The following PIP4P2 variants were observed in gnomAD, a reference collection of about 807,000 sequenced individuals.
The protein encoded by PIP4P2 is type 2 phosphatidylinositol 4,5-bisphosphate 4-phosphatase.
PIP4P2 carries 19 observed loss-of-function variants against 33.3 expected under a neutral mutation model. The observed-to-expected ratio is 0.57, with a 90% CI of 0.40 to 0.84. PIP4P2 has a LOEUF of 0.84. Among genes scored for constraint, PIP4P2 ranks in the 40% least tolerant of loss-of-function variants. PIP4P2 has a pLI of 0.00. For missense variants in PIP4P2, 270 were observed against 324.7 expected (o/e 0.83, Z 1.29); for synonymous variants, 110 against 111.9 (o/e 0.98, Z 0.11).
At chr8:91,006,537 C>A (rs759928616) in intron 5 of PIP4P2, among the ~76,000 whole-genome samples, 6 of 152,184 alleles carry the variant, frequency 3.9e-5, no homozygotes, top group Non-Finnish European at 7.3e-5. Flanking sequence ...AAATCCTTAA[C>A]CTCTCTTAAC....
At chr8:91,029,072 C>T (rs1812121619) in intron 1 of PIP4P2, among the ~76,000 whole-genome samples, 3 of 152,030 alleles carry the variant, frequency 2.0e-5, no homozygotes, top group Admixed American at 6.6e-5. Context: ...GTGGACAGAT[C>T]AAGAGGTCAG....
chr8:91,002,451 G>C (rs1019700420), intron 5 of PIP4P2, among the ~76,000 whole-genome samples: 1 of 152,092 alleles, frequency 6.6e-6, no homozygotes, highest in Non-Finnish European at 1.5e-5. Context: ...GGATTATGAA[G>C]AACACCTGGA....
At chr8:91,000,390 C>T (rs1353967137) in intron 5 of PIP4P2, among the ~76,000 whole-genome samples, 3 of 126,092 alleles carry the variant, frequency 2.4e-5, no homozygotes, top group African/African-American at 8.0e-5. Context: ...CCTAGTTCAT[C>T]ATTTAGCAGT....
intron 1 of PIP4P2, among the ~76,000 whole-genome samples, chr8:91,028,876 C>T (rs748626021): frequency 5.9e-5 from 9 of 152,278 alleles, no homozygotes; most frequent in Non-Finnish European, 1.2e-4. Flanking sequence ...CAGAGAAAGT[C>T]AAGAGTCTTT....
chr8:91,011,903 G>GT (rs1401011341), intron 4 of PIP4P2, among the ~76,000 whole-genome samples: 3 of 151,920 alleles, frequency 2.0e-5, no homozygotes, highest in Non-Finnish European at 4.4e-5. Flanking sequence ...TAGCAATTGT[G>GT]TTTTTTTCTG....
At chr8:91,023,352 T>G (rs1016285900) in intron 1 of PIP4P2, among the ~76,000 whole-genome samples, 4 of 151,486 alleles carry the variant, frequency 2.6e-5, no homozygotes, top group African/African-American at 9.7e-5. Flanking sequence ...AAGACAGTTT[T>G]ATAAAGAAAA....
At chr8:91,013,183 T>C (rs1053959183) in intron 4 of PIP4P2, among the ~76,000 whole-genome samples, 4 of 152,178 alleles carry the variant, frequency 2.6e-5, no homozygotes, top group African/African-American at 9.7e-5. Context: ...TGCTTCCTGT[T>C]CACCACTGTT....
At chr8:91,015,108 G>C (rs1185867403) in intron 4 of PIP4P2, among the ~76,000 whole-genome samples, 1 of 152,036 alleles carries the variant, frequency 6.6e-6, no homozygotes, top group Admixed American at 6.6e-5. Context: ...TAAAAACAAA[G>C]GATTTAAATT....
At position 91,021,274 on chromosome 8, in the gene PIP4P2, T is replaced by C. The variant is rs34503257; in HGVS notation, c.237A>G (p.Thr79=). The part of the protein sequence containing the change: ...GKLHQHVVKC[T]VCNEATPIKN... ...CACTTACCGTAGCTTCATTGCAAACTGTGCACTTAACCACATGCTGGTGAA... is the reference window on the plus strand; with the variant it reads ...CACTTACCGTAGCTTCATTGCAAACCGTGCACTTAACCACATGCTGGTGAA... The change falls in exon 2 of 7, where the codon ACA becomes ACG. Residue 79 remains threonine (T), a synonymous_variant. Transcript: ENST00000285419. The C allele has an allele frequency of 0.083, 134,726 of 1,613,642 alleles. 6,198 individuals carry two copies. Among genetic ancestry groups the C allele is most frequent in the African/African-American group, 0.16 (12,160 of 74,990 alleles).
intron 1 of PIP4P2, among the ~76,000 whole-genome samples, chr8:91,023,002 T>C (rs567577514): frequency 6.6e-6 from 1 of 152,128 alleles, no homozygotes; most frequent in Admixed American, 6.6e-5. Flanking sequence ...TTGAGCGTGA[T>C]CCAGAGTGAC....
rs369419485 is a variant in PIP4P2, at chr8:91,040,781, G to C, written c.-32C>G. On this transcript the variant is annotated 5_prime_UTR_variant, in exon 1 of 7. Coordinates refer to ENST00000285419, the MANE Select transcript of PIP4P2 (RefSeq NM_018710.3). The stretch of plus-strand genomic sequence containing the variant: ...GGCAGCGGCGGGGCCTGGGGAGGCC[G>C]AGCCGGGGTTGCGGCCTCGGCGGAG... The C allele has an allele frequency of 6.2e-7, 1 of 1,601,132 alleles. No homozygotes were observed. The highest frequency in any genetic ancestry group is 1.1e-5 in the South Asian group (1 of 90,712).
intron 1 of PIP4P2, among the ~76,000 whole-genome samples, chr8:91,029,283 T>A (rs1035040335): frequency 6.6e-6 from 1 of 151,038 alleles, no homozygotes; most frequent in Non-Finnish European, 1.5e-5. Flanking sequence ...AGAGTGAGAC[T>A]CTGTCTCAAA....
rs931014108 is a variant in PIP4P2 at position 90,995,031 on chromosome 8, A to G, written c.*646T>C. ...ATTTATCCAACATCTCCAACTGTGG[A>G]CAAATAAATATTCGTTCTTGTATTT... is the stretch of plus-strand genomic sequence containing the variant. On this transcript the variant is annotated 3_prime_UTR_variant, in exon 7 of 7. Transcript: ENST00000285419. The G allele has an allele frequency of 5.9e-5, 9 of 152,360 alleles. No homozygotes were observed. The highest frequency in any genetic ancestry group is 1.9e-4 in the African/African-American group (8 of 41,462). The allele number at this position is 152,360 out of a possible 1,614,324, so 9.4% of individuals were successfully genotyped here. A position where few individuals can be genotyped will look rare whatever the true frequency, so the allele number is the denominator to read the frequency against.
chr8:91,018,411 C>T lies in PIP4P2; in HGVS notation c.465G>A (p.Gly155=). ...IQPEGTRVVC[G]HCGNTFLWME... is the part of the protein sequence containing the mutation. The stretch of plus-strand genomic sequence containing the variant: ...TTACCAGGAATGTGTTTCCACAGTG[C>T]CCACACACGACCCTTGTACCTTCTG... Residue 155 remains glycine, a synonymous_variant, in exon 4 of 7, where the codon GGG becomes GGA. Transcript: ENST00000285419. The T allele has an allele frequency of 1.2e-6, 2 of 1,613,932 alleles. No individual in the cohort carries two copies. Among genetic ancestry groups the T allele is most frequent in the African/African-American group, 1.3e-5 (1 of 75,004 alleles).
At chr8:91,008,924 T>C (rs1811795814) in intron 4 of PIP4P2, 129 bp from the exon 5 acceptor site, 1 of 668,832 alleles carries the variant, frequency 1.5e-6, no homozygotes. Flanking sequence ...CACGGTTACA[T>C]GAGTTTTTCC....
intron 1 of PIP4P2, among the ~76,000 whole-genome samples, chr8:91,023,579 C>T (rs1445429128): frequency 2.0e-5 from 3 of 150,280 alleles, no homozygotes; most frequent in South Asian, 4.2e-4. Flanking sequence ...AAAAAAAAAA[C>T]GCCTTCAATG....
intron 5 of PIP4P2, among the ~76,000 whole-genome samples, chr8:90,997,619 A>C (rs144850415): frequency 6.6e-5 from 10 of 152,254 alleles, no homozygotes; most frequent in Admixed American, 6.6e-5. Context: ...AGCAGAGATT[A>C]GTAGCCAAAT....
intron 5 of PIP4P2, among the ~76,000 whole-genome samples, chr8:91,001,397 C>G (rs1420414586): frequency 1.3e-5 from 2 of 151,812 alleles, no homozygotes; most frequent in Admixed American, 6.6e-5. Flanking sequence ...CCATCCCGCA[C>G]CCTGTGCCTG....
At chr8:91,033,626 T>C (rs1464616602) in intron 1 of PIP4P2, among the ~76,000 whole-genome samples, 1 of 152,132 alleles carries the variant, frequency 6.6e-6, no homozygotes, top group Non-Finnish European at 1.5e-5. Flanking sequence ...AACCTCTCCA[T>C]AGCTTCTCAT....
Sources: gnomAD v4.1 joint callset for allele counts (sites outside exome capture counted in the v4.1 genomes callset) on GRCh38, gnomAD v4.1.1 for gene constraint, MANE v1.5 for transcripts, NCBI Gene and HGNC (gene_info 2026-07-23, HGNC 2026-07-21) for gene names.